The following VPS13B variants were observed in gnomAD, a reference collection of about 807,000 sequenced individuals.
VPS13B encodes the protein intermembrane lipid transfer protein VPS13B.
In VPS13B, 285 loss-of-function variants were observed where a neutral mutation model predicts 426.4. The observed-to-expected ratio is 0.67, with a 90% CI of 0.61 to 0.74. The LOEUF (loss-of-function observed/expected upper bound fraction) is 0.74. VPS13B is among the 30% of genes least tolerant of loss of function. The probability of loss-of-function intolerance (pLI) is 0.00; values close to 1 mark genes in which losing one functional copy is unlikely to be tolerated. For missense variants in VPS13B, 4,537 were observed against 4,782.6 expected (o/e 0.95, Z 1.51); for synonymous variants, 1,676 against 1,676.4 (o/e 1.00, Z 0.01).
rs192772061 is a variant in VPS13B, at chr8:99,867,251, G to A, written c.11216-1038G>A. Among the ~76,000 whole-genome samples the A allele has an allele frequency of 2.1e-3, 319 of 150,676 alleles. 4 individuals carry two copies. The highest frequency in any genetic ancestry group is 0.017 in the Admixed American group (257 of 15,148). On this transcript the variant is annotated intron_variant, in intron 58 of 61. Transcript: ENST00000357162. The stretch of plus-strand genomic sequence containing the variant: ...GATAGGGAGCCCTCCACTCCATCAC[G>A]AAAAAAAAATCAGAATGGTAAGACT...
At chr8:99,137,699 T>G (rs1810150900) in intron 12 of VPS13B, among the ~76,000 whole-genome samples, 1 of 152,218 alleles carries the variant, frequency 6.6e-6, no homozygotes, top group African/African-American at 2.4e-5. Flanking sequence ...CAATCCTTAA[T>G]TTCTTTCCCT....
intron 3 of VPS13B, among the ~76,000 whole-genome samples, chr8:99,084,961 C>G (rs1051311948): frequency 6.6e-6 from 1 of 151,972 alleles, no homozygotes; most frequent in Non-Finnish European, 1.5e-5. Context: ...CTGTAGATGT[C>G]TATTAGGTCT....
At chr8:99,443,158 T>C (rs747485189) in intron 23 of VPS13B, among the ~76,000 whole-genome samples, 7 of 152,136 alleles carry the variant, frequency 4.6e-5, no homozygotes, top group Non-Finnish European at 8.8e-5. Context: ...TTTTCAGTTA[T>C]GAATTCATAA....
chr8:99,146,468 G>C (rs182099335), intron 13 of VPS13B, among the ~76,000 whole-genome samples: 65 of 152,310 alleles, frequency 4.3e-4, no homozygotes, highest in African/African-American at 1.3e-3. Context: ...ATTGGAGGGA[G>C]AAGTTATTCA....
At chr8:99,654,121 TCA>T (rs1466126502) in intron 34 of VPS13B, among the ~76,000 whole-genome samples, 4 of 152,034 alleles carry the variant, frequency 2.6e-5, no homozygotes, top group African/African-American at 9.7e-5. Flanking sequence ...CGATCTCGGC[TCA>T]CTGCAAGCTC....
intron 39 of VPS13B, among the ~76,000 whole-genome samples, chr8:99,725,716 A>G (rs1833318714): frequency 6.6e-6 from 1 of 152,156 alleles, no homozygotes; most frequent in African/African-American, 2.4e-5. Context: ...TCACTATTTT[A>G]TGGAACGAAT....
At chr8:99,233,415 C>T (rs1816458560) in intron 17 of VPS13B, 3 of 1,221,670 alleles carry the variant, frequency 2.5e-6, no homozygotes, top group Non-Finnish European at 3.6e-6. Flanking sequence ...CGAGTCTTGC[C>T]AGCTGTTTGA....
chr8:99,577,715 A>G (rs959880654), intron 33 of VPS13B, 82 bp downstream of exon 33: 1 of 1,515,414 alleles, frequency 6.6e-7, no homozygotes, highest in African/African-American at 1.4e-5. Flanking sequence ...AATTAAGCTG[A>G]CTGCTTTCTG....
chr8:99,590,573 C>G (rs1433411918), intron 33 of VPS13B, among the ~76,000 whole-genome samples: 1 of 152,174 alleles, frequency 6.6e-6, no homozygotes, highest in African/African-American at 2.4e-5. Flanking sequence ...ATCTTTATTT[C>G]TGCCTTCATT....
intron 17 of VPS13B, among the ~76,000 whole-genome samples, chr8:99,243,991 C>T (rs571368789): frequency 1.6e-4 from 24 of 152,280 alleles, no homozygotes; most frequent in South Asian, 8.3e-4. Flanking sequence ...GGCTGTCAGA[C>T]GAAAGACAGA....
chr8:99,298,805 T>C (rs1216250868), intron 19 of VPS13B, among the ~76,000 whole-genome samples: 1 of 152,214 alleles, frequency 6.6e-6, no homozygotes, highest in African/African-American at 2.4e-5. Flanking sequence ...TCCCAAGTGT[T>C]ATTTTTTCAT....
Position 99,038,510 on chromosome 8 carries a change from G to A in VPS13B, c.235G>A (p.Val79Met). The A allele has an allele frequency of 1.2e-6, 2 of 1,612,792 alleles. No homozygotes were observed. Among genetic ancestry groups the A allele is most frequent in the Non-Finnish European group, 1.7e-6 (2 of 1,179,258 alleles). ...ATGGACAAAACTGGGTTCAGAACCA[G>A]TGGTAATTACCATCAATACTATGGA... The part of the protein sequence containing the change: ...VPWTKLGSEP[V>M]VITINTMECI... Residue 79 changes from valine to methionine, a missense_variant, in exon 3 of 62, where the codon GTG becomes ATG. By Grantham distance (21) the Val-to-Met change is conservative. Coordinates refer to ENST00000357162, the MANE Select transcript of VPS13B (RefSeq NM_152564.5).
intron 30 of VPS13B, among the ~76,000 whole-genome samples, chr8:99,532,725 T>C (rs1346499500): frequency 6.9e-6 from 1 of 145,582 alleles, no homozygotes; most frequent in East Asian, 2.1e-4. Flanking sequence ...TAACTTTAAT[T>C]ACAAATATTC....
chr8:99,097,681 T>C (rs1179427984), intron 4 of VPS13B, among the ~76,000 whole-genome samples: 1 of 151,976 alleles, frequency 6.6e-6, no homozygotes, highest in Non-Finnish European at 1.5e-5. Context: ...CAAAAATAAA[T>C]CTGTATCTTT....
rs944921965 is a variant in VPS13B at position 99,143,034 on chromosome 8, A to G, written c.1712A>G (p.Glu571Gly). 1 of 1,613,944 alleles carries G rather than the reference A, an allele frequency of 6.2e-7. No individual in the cohort carries two copies. Among genetic ancestry groups the G allele is most frequent in the African/African-American group, 1.3e-5 (1 of 74,928 alleles). ...AGTGAAGATTTGGGAACAGTTCAGGAGAAGTCCACCAAAAGCCTTGTTATA... is the reference window on the plus strand; with the variant it reads ...AGTGAAGATTTGGGAACAGTTCAGGGGAAGTCCACCAAAAGCCTTGTTATA... ...GKSEDLGTVQ[E>G]KSTKSLVIGP... is the part of the protein sequence containing the mutation. The change falls in exon 13 of 62, where the codon GAG becomes GGG. Residue 571 changes from glutamate to glycine, a missense_variant. Coordinates refer to ENST00000357162, the MANE Select transcript of VPS13B (RefSeq NM_152564.5).
intron 20 of VPS13B, among the ~76,000 whole-genome samples, chr8:99,385,994 G>T (rs16897320): frequency 6.6e-6 from 1 of 152,094 alleles, no homozygotes; most frequent in African/African-American, 2.4e-5. Flanking sequence ...CATTTTGAAG[G>T]GTAAAGAGGA....
At chr8:99,466,741 G>T (rs542704550) in intron 23 of VPS13B, among the ~76,000 whole-genome samples, 1 of 152,072 alleles carries the variant, frequency 6.6e-6, no homozygotes, top group African/African-American at 2.4e-5. Context: ...ATGCTGGGTC[G>T]TACCATCAGA....
Position 99,766,786 on chromosome 8 carries a change from T to C in VPS13B, c.7063T>C (p.Leu2355=), listed in dbSNP as rs1217104122. 1.9e-6 allele frequency: 3 copies of C among 1,613,560 alleles called. No homozygotes were observed. Among genetic ancestry groups the C allele is most frequent in the Non-Finnish European group, 2.5e-6 (3 of 1,179,920 alleles). ...LGDVLQVPCS[L]EYWDELQKVF... is the part of the protein sequence containing the mutation. ...TATTTTAACATAGGTTCCTTGTAGC[T>C]TGGAATACTGGGATGAACTCCAGAA... Residue 2355 remains leucine, a synonymous_variant, in exon 40 of 62, where the codon TTG becomes CTG. Coordinates refer to ENST00000357162, the MANE Select transcript of VPS13B (RefSeq NM_152564.5).
At chr8:99,420,567 A>T (rs1012106169) in intron 21 of VPS13B, among the ~76,000 whole-genome samples, 11 of 152,170 alleles carry the variant, frequency 7.2e-5, no homozygotes, top group African/African-American at 2.4e-4. Context: ...GTTAATAAAT[A>T]TGTATATAAA....
Sources: allele counts gnomAD v4.1 joint callset (sites outside exome capture counted in the v4.1 genomes callset), GRCh38; gene constraint gnomAD v4.1.1; transcripts MANE v1.5; gene names NCBI Gene and HGNC (gene_info 2026-07-23, HGNC 2026-07-21).